Variants in RELN observed in about 807,000 individuals in gnomAD.
RELN encodes the protein reelin.
Under a neutral mutation model 427.6 loss-of-function variants are expected in RELN, and 108 were observed. The ratio of observed to expected loss-of-function variants is 0.25; its 90% CI spans 0.22 to 0.30. The LOEUF (loss-of-function observed/expected upper bound fraction) is 0.30. Ranked by LOEUF, RELN falls within the 10% of genes least tolerant of loss-of-function variation. The pLI is 1.00. For synonymous variants in RELN, 1,524 were observed against 1,513.4 expected (o/e 1.01, Z -0.16); for missense variants, 3,715 against 4,302.8 (o/e 0.86, Z 3.82).
chr7:103,952,573 T>TCTCTCC (rs1240316773), intron 1 of RELN, among the ~76,000 whole-genome samples: 1 of 151,968 alleles, frequency 6.6e-6, no homozygotes, highest in Non-Finnish European at 1.5e-5. Flanking sequence ...TCTCTCTCTC[T>TCTCTCC]GGATATAAAC....
intron 2 of RELN, among the ~76,000 whole-genome samples, chr7:103,870,276 T>C (rs1021126351): frequency 6.6e-6 from 1 of 152,136 alleles, no homozygotes; most frequent in African/African-American, 2.4e-5. Flanking sequence ...TTCTTGATGA[T>C]GGCTCCTGCT....
chr7:103,669,005 G>T (rs929427810), intron 11 of RELN, among the ~76,000 whole-genome samples: 2 of 152,002 alleles, frequency 1.3e-5, no homozygotes, highest in African/African-American at 4.8e-5. Flanking sequence ...TTTATTTGTC[G>T]TAAATGAAAA....
Position 103,744,342 on chromosome 7 carries a change from CAATT to C in RELN, c.656+5080_656+5083del, listed in dbSNP as rs1343960363. On this transcript the variant is annotated intron_variant, in intron 6 of 64. Coordinates refer to ENST00000428762, the MANE Select transcript of RELN (RefSeq NM_005045.4). ...ATCCAAAATTGACACCCTAACATCACAATTAAAAGAACTAGAAAAGCAAGAGCAA... is the reference window on the plus strand; with the variant it reads ...ATCCAAAATTGACACCCTAACATCACAAAAGAACTAGAAAAGCAAGAGCAA... 6.0e-4 allele frequency among the ~76,000 whole-genome samples: 91 copies of C among 151,846 alleles called. 2 individuals are homozygous for C. The highest frequency in any genetic ancestry group is 2.2e-3 in the African/African-American group (90 of 41,404).
chr7:103,886,833 C>A (rs1384878229), intron 2 of RELN, among the ~76,000 whole-genome samples: 4 of 152,132 alleles, frequency 2.6e-5, no homozygotes, highest in African/African-American at 9.7e-5. Flanking sequence ...AGAGTATATA[C>A]TTTTAGGCAG....
At chr7:103,624,741 T>C (rs1832292069) in intron 20 of RELN, among the ~76,000 whole-genome samples, 1 of 152,208 alleles carries the variant, frequency 6.6e-6, no homozygotes, top group Non-Finnish European at 1.5e-5. Context: ...CCTTTTGTAA[T>C]TCACAGCTGA....
At position 103,590,010 on chromosome 7, in the gene RELN, AAAC is replaced by A. The variant is rs147043968; in HGVS notation, c.3913-185_3913-183del. Among the ~76,000 whole-genome samples, 23,488 of 152,168 alleles carry A rather than the reference AAAC, an allele frequency of 0.15. 2,107 individuals carry two copies. Among genetic ancestry groups the A allele is most frequent in the African/African-American group, 0.25 (10,177 of 41,472 alleles). On this transcript the variant is annotated intron_variant, in intron 27 of 64. Transcript: ENST00000428762. ...AGATTCTGGAATTCTTTGTTTAAGC[AAAC>A]AATAGGTACTTTTTACTAGAAAACT...
chr7:103,840,905 A>G (rs1034087879), intron 2 of RELN, among the ~76,000 whole-genome samples: 9 of 152,344 alleles, frequency 5.9e-5, no homozygotes, highest in Non-Finnish European at 1.2e-4. Context: ...TAATTTAACT[A>G]TGCTTTTTCT....
intron 4 of RELN, among the ~76,000 whole-genome samples, chr7:103,755,839 T>G (rs1791136921): frequency 6.9e-6 from 1 of 144,534 alleles, no homozygotes; most frequent in Non-Finnish European, 1.5e-5. Context: ...AAAGATATCA[T>G]GATAGTTTAC....
At chr7:103,581,859 TA>T (rs1831158605) in intron 28 of RELN, among the ~76,000 whole-genome samples, 1 of 151,446 alleles carries the variant, frequency 6.6e-6, no homozygotes, top group Non-Finnish European at 1.5e-5. Flanking sequence ...CCCAGACTCT[TA>T]CCAACTCATC....
intron 50 of RELN, among the ~76,000 whole-genome samples, chr7:103,512,591 A>G (rs1385583651): frequency 6.6e-6 from 1 of 152,214 alleles, no homozygotes; most frequent in Non-Finnish European, 1.5e-5. Context: ...TGCAGAGTAC[A>G]TCTTGTGTGT....
At chr7:103,611,077 T>G (rs1725038365) in intron 21 of RELN, among the ~76,000 whole-genome samples, 1 of 152,184 alleles carries the variant, frequency 6.6e-6, no homozygotes, top group Non-Finnish European at 1.5e-5. Flanking sequence ...AGAGACGGAT[T>G]AGGATTCTGT....
chr7:103,752,774 A>G (rs1791038758), intron 5 of RELN, among the ~76,000 whole-genome samples: 1 of 152,188 alleles, frequency 6.6e-6, no homozygotes, highest in South Asian at 2.1e-4. Context: ...TTCAGTACTA[A>G]TTTGAGCATA....
At position 103,486,197 on chromosome 7, in the gene RELN, C is replaced by T. The variant is rs758439378; in HGVS notation, c.9983G>A (p.Ser3328Asn). The T allele has an allele frequency of 1.2e-6, 2 of 1,613,032 alleles. No individual in the cohort carries two copies. The highest frequency in any genetic ancestry group is 2.2e-5 in the South Asian group (2 of 91,006). Residue 3328 changes from serine to asparagine, a missense_variant and splice_region_variant, in exon 61 of 65, where the codon AGC (serine) becomes AAC (asparagine). By Grantham distance (46) the Ser-to-Asn change is conservative (BLOSUM62 1). Around this residue, in one of 4 missense-constraint regions of RELN, gnomAD observed 195 missense variants for 281.3 expected, o/e 0.69. Transcript: ENST00000428762. ...ATKPLDLTRASKIMFVLQIGS... is the reference protein window; with the variant it reads ...ATKPLDLTRANKIMFVLQIGS... ...GACTAAAATATGGAGGTTTGGGTAC[C>T]TTGCTCGAGTGAGATCCAGAGGCTT...
At chr7:103,735,595 T>C (rs1790471644) in intron 6 of RELN, among the ~76,000 whole-genome samples, 1 of 152,112 alleles carries the variant, frequency 6.6e-6, no homozygotes, top group Non-Finnish European at 1.5e-5. Context: ...TAACAATAAA[T>C]AACTGAAATA....
chr7:103,899,984 A>G (rs989541679), intron 2 of RELN, among the ~76,000 whole-genome samples: 11 of 152,188 alleles, frequency 7.2e-5, no homozygotes, highest in African/African-American at 2.4e-4. Context: ...AGGGTATTCA[A>G]TTAGGAAAAG....
chr7:103,566,425 G>A lies in RELN; in HGVS notation c.4748-13C>T. On this transcript the variant is annotated splice_polypyrimidine_tract_variant and intron_variant, in intron 32 of 64. Coordinates refer to ENST00000428762, the MANE Select transcript of RELN (RefSeq NM_005045.4). ...GCTGAATGCTTCCCTGCAATCAGATGAATAAAGGTGGTTAGAGAAGTTTTG... is the reference window on the plus strand; with the variant it reads ...GCTGAATGCTTCCCTGCAATCAGATAAATAAAGGTGGTTAGAGAAGTTTTG... The A allele has an allele frequency of 6.2e-7, 1 of 1,613,118 alleles. No individual in the cohort carries two copies. Among genetic ancestry groups the A allele is most frequent in the Non-Finnish European group, 8.5e-7 (1 of 1,179,104 alleles).
At chr7:103,751,537 A>T (rs1338081218) in intron 5 of RELN, among the ~76,000 whole-genome samples, 4 of 152,216 alleles carry the variant, frequency 2.6e-5, no homozygotes, top group South Asian at 4.1e-4. Context: ...ACTGGAGAGA[A>T]CGCTGTGATG....
intron 2 of RELN, among the ~76,000 whole-genome samples, chr7:103,866,628 A>G (rs888196010): frequency 1.3e-5 from 2 of 152,100 alleles, no homozygotes; most frequent in East Asian, 1.9e-4. Flanking sequence ...TAGAACACCT[A>G]TATTTCTGAT....
intron 11 of RELN, 129 bp from the exon 12 acceptor site, chr7:103,661,656 G>A (rs1833146620): frequency 1.1e-6 from 1 of 876,384 alleles, no homozygotes; most frequent in Non-Finnish European, 1.8e-6. Context: ...TAAAGATATG[G>A]CACTTTATTT....
Sources: gnomAD v4.1 joint callset for allele counts (sites outside exome capture counted in the v4.1 genomes callset) on GRCh38, gnomAD v4.1.1 for gene constraint, gnomAD v4.1.1 regional missense constraint, MANE v1.5 for transcripts, NCBI Gene and HGNC (gene_info 2026-07-23, HGNC 2026-07-21) for gene names.